CPB1: variants seen among roughly 807,000 people sequenced by gnomAD.
CPB1 encodes carboxypeptidase B1.
Under a neutral mutation model 51.4 loss-of-function variants are expected in CPB1, and 53 were observed. That is an observed-to-expected ratio of 1.03 (90% confidence interval 0.83 to 1.30). The LOEUF is 1.30. Among genes scored for constraint, CPB1 ranks in the 50% most tolerant of loss-of-function variants. CPB1 has a pLI of 0.00. For synonymous variants in CPB1, 189 were observed against 186.9 expected, an observed-to-expected ratio of 1.01 and a Z score of -0.09; for missense variants, 494 against 516.2, an observed-to-expected ratio of 0.96 and a Z score of 0.42.
Position 148,857,092 on chromosome 3 carries a change from T to C in CPB1, c.982-365T>C, listed in dbSNP as rs1173250512. On this transcript the variant is annotated intron_variant, in intron 9 of 10. Transcript: ENST00000282957. ...TTTTTTTTTTTTTTTTTTGCTTTGTTTTCTTTGCGTTTTTGCATGCGTGTG... is the reference window on the plus strand; with the variant it reads ...TTTTTTTTTTTTTTTTTTGCTTTGTCTTCTTTGCGTTTTTGCATGCGTGTG... The C allele has an allele frequency of 2.0e-5, 3 of 148,516 alleles. No homozygotes were observed. The East Asian group carries it at 6.1e-4, about 30-fold the overall frequency. 9.2% of individuals were successfully genotyped at this position (148,516 alleles called of 1,614,324 possible). A position where few individuals can be genotyped will look rare whatever the true frequency, so the allele number is the denominator to read the frequency against.
intron 6 of CPB1, 128 bp downstream of exon 6, chr3:148,842,052 T>C (rs1298790945): frequency 2.9e-6 from 2 of 689,032 alleles, no homozygotes; most frequent in East Asian, 5.5e-5. Context: ...TTTTGGAAAT[T>C]AGTTTCAACT....
chr3:148,841,755 T>C (rs1713086477), intron 5 of CPB1, 68 bp from the exon 6 acceptor site: 9 of 1,217,588 alleles, frequency 7.4e-6, no homozygotes, highest in Non-Finnish European at 1.1e-5. Flanking sequence ...CCCAGATGGG[T>C]AGTGGAGGTT....
intron 9 of CPB1, chr3:148,851,237 G>A (rs1367568500): frequency 1.3e-5 from 2 of 150,990 alleles, no homozygotes; most frequent in African/African-American, 4.9e-5. Context: ...GGGAGGCTGA[G>A]GCATGAGAAT....
intron 6 of CPB1, among the ~76,000 whole-genome samples, chr3:148,842,425 A>C (rs1449977467): frequency 6.6e-6 from 1 of 152,160 alleles, no homozygotes; most frequent in Non-Finnish European, 1.5e-5. Flanking sequence ...CCTTACTCTA[A>C]ATGACACTGT....
intron 3 of CPB1, among the ~76,000 whole-genome samples, chr3:148,837,333 G>T (rs546004370): frequency 1.3e-5 from 2 of 152,212 alleles, no homozygotes; most frequent in East Asian, 3.9e-4. Context: ...CAATAACAGT[G>T]GGCGCAAAGT....
intron 10 of CPB1, 48 bp downstream of exon 10, chr3:148,857,589 C>A: frequency 6.9e-7 from 1 of 1,456,050 alleles, no homozygotes; most frequent in Non-Finnish European, 9.6e-7. Context: ...GCCTAAAAAG[C>A]CAACGAAAGG....
At chr3:148,831,460 C>T (rs1474504801) in intron 2 of CPB1, among the ~76,000 whole-genome samples, 1 of 152,118 alleles carries the variant, frequency 6.6e-6, no homozygotes, top group Non-Finnish European at 1.5e-5. Flanking sequence ...TGTGAAGAAA[C>T]AAATTCATGC....
intron 5 of CPB1, among the ~76,000 whole-genome samples, chr3:148,841,610 A>T (rs553626815): frequency 6.6e-6 from 1 of 152,228 alleles, no homozygotes; most frequent in Non-Finnish European, 1.5e-5. Context: ...AATAAAAATA[A>T]TAAACAGCCA....
chr3:148,839,731 G>A (rs192493699), intron 3 of CPB1, among the ~76,000 whole-genome samples: 196 of 152,316 alleles, frequency 1.3e-3, no homozygotes, highest in Admixed American at 3.5e-3. Flanking sequence ...CAGAGGAGAA[G>A]CAGACTTTTG....
At chr3:148,848,708 T>C (rs1713328228) in intron 9 of CPB1, among the ~76,000 whole-genome samples, 1 of 152,178 alleles carries the variant, frequency 6.6e-6, no homozygotes, top group South Asian at 2.1e-4. Context: ...GCTTGCCTAA[T>C]AATTGCTCAT....
At position 148,844,666 on chromosome 3, in the gene CPB1, T is replaced by C. The variant is rs771506964; in HGVS notation, c.688-11T>C. ...TATTATATTTGTCCTAACTATGTAGTCCACTTTCAGAGCCGATTTTGGAGA... is the reference window on the plus strand; with the variant it reads ...TATTATATTTGTCCTAACTATGTAGCCCACTTTCAGAGCCGATTTTGGAGA... On this transcript the variant is annotated splice_polypyrimidine_tract_variant and intron_variant, in intron 7 of 10. Transcript: ENST00000282957. 12 of 1,613,706 alleles carry C rather than the reference T, an allele frequency of 7.4e-6. No homozygotes were observed. Among genetic ancestry groups the C allele is most frequent in the East Asian group, 2.2e-5 (1 of 44,890 alleles).
chr3:148,846,512 G>T (rs1713244244), intron 9 of CPB1, among the ~76,000 whole-genome samples: 1 of 151,148 alleles, frequency 6.6e-6, no homozygotes, highest in African/African-American at 2.4e-5. Context: ...GCATAAATTT[G>T]AAGACCTAGT....
chr3:148,828,157 C>A, intron 2 of CPB1, 80 bp downstream of exon 2: 3 of 1,096,790 alleles, frequency 2.7e-6, no homozygotes, highest in Non-Finnish European at 4.0e-6. Context: ...GAAAAAAAAA[C>A]ATGAAATATT....
intron 2 of CPB1, among the ~76,000 whole-genome samples, chr3:148,832,862 G>A (rs948781794): frequency 5.9e-5 from 9 of 152,130 alleles, no homozygotes; most frequent in African/African-American, 1.2e-4. Context: ...GCAATTATGT[G>A]CCAGCGGGAC....
Position 148,827,908 on chromosome 3 carries a change from C to A in CPB1, c.71+14C>A, listed in dbSNP as rs1374238213. 2 of 1,613,880 alleles carry A rather than the reference C, an allele frequency of 1.2e-6. No individual in the cohort carries two copies. The highest frequency in any genetic ancestry group is 1.3e-5 in the African/African-American group (1 of 74,924). On this transcript the variant is annotated intron_variant, in intron 1 of 10. Transcript: ENST00000282957. ...GCACTTTGAAGGGTAAGTAAGCCAT[C>A]TTTAAGGAGCAAGTCCTTCTTCCTT... is the stretch of plus-strand genomic sequence containing the variant.
At chr3:148,844,897 C>CAAA (rs374599024) in intron 8 of CPB1, 130 bp downstream of exon 8, 20 of 610,208 alleles carry the variant, frequency 3.3e-5, no homozygotes, top group African/African-American at 1.0e-4. Context: ...CTAAAAGCAC[C>CAAA]AAAAAAAAAA....
chr3:148,831,135 T>C (rs977672774), intron 2 of CPB1, among the ~76,000 whole-genome samples: 12 of 152,200 alleles, frequency 7.9e-5, no homozygotes, highest in African/African-American at 2.9e-4. Context: ...ATATTAAGGA[T>C]TTTATTTTAT....
Position 148,860,121 on chromosome 3 carries a change from G to C in CPB1, c.*119G>C, listed in dbSNP as rs1713708312. The C allele has an allele frequency of 3.2e-6, 3 of 952,304 alleles. No individual in the cohort carries two copies. The highest frequency in any genetic ancestry group is 3.1e-6 in the Non-Finnish European group (2 of 637,182). The allele number at this position is 952,304 out of a possible 1,614,324, so 59.0% of individuals were successfully genotyped here. A position where few individuals can be genotyped will look rare whatever the true frequency, so the allele number is the denominator to read the frequency against. ...TCCCAATCTTTCTTTTAAGCTTCTG[G>C]GTCTATTAAACTAGGTAGATCTTTT... is the stretch of plus-strand genomic sequence containing the variant. On this transcript the variant is annotated 3_prime_UTR_variant, in exon 11 of 11. Coordinates refer to ENST00000282957, the MANE Select transcript of CPB1 (RefSeq NM_001871.3).
intron 9 of CPB1, among the ~76,000 whole-genome samples, chr3:148,852,820 A>T (rs1713470418): frequency 6.6e-6 from 1 of 151,928 alleles, no homozygotes; most frequent in Non-Finnish European, 1.5e-5. Flanking sequence ...GCGTTCCCAC[A>T]CTCCCCGTGG....
Sources: gnomAD v4.1 joint callset for allele counts (sites outside exome capture counted in the v4.1 genomes callset) on GRCh38, gnomAD v4.1.1 for gene constraint, MANE v1.5 for transcripts, NCBI Gene and HGNC (gene_info 2026-07-23, HGNC 2026-07-21) for gene names.